Variants in ATP6V0B observed in about 807,000 individuals in gnomAD.
ATP6V0B encodes the protein ATPase H+ transporting V0 subunit b, also known as V-type proton ATPase 21 kDa proteolipid subunit c''.
Under a neutral mutation model 26.2 loss-of-function variants are expected in ATP6V0B, and 4 were observed. That is an observed-to-expected ratio of 0.15 (90% confidence interval 0.08 to 0.35). The LOEUF is 0.35. Among genes scored for constraint, ATP6V0B ranks in the 10% least tolerant of loss-of-function variants. The pLI, the probability that ATP6V0B is intolerant of heterozygous loss-of-function variation, is 1.00. For synonymous variants in ATP6V0B, 110 were observed against 105.8 expected, an observed-to-expected ratio of 1.04 and a Z score of -0.24; for missense variants, 175 against 272.5, an observed-to-expected ratio of 0.64 and a Z score of 2.52.
At position 43,976,431 on chromosome 1, in the gene ATP6V0B, CCTGT is replaced by C; in HGVS notation, c.278+53_278+56del. The C allele has an allele frequency of 1.9e-6, 3 of 1,564,028 alleles. No individual in the cohort carries two copies. Among genetic ancestry groups the C allele is most frequent in the Non-Finnish European group, 2.6e-6 (3 of 1,142,264 alleles). On this transcript the variant is annotated intron_variant, in intron 4 of 7. Transcript: ENST00000472174. This position sits in a 1 kb window ranked among gnomAD's most constrained non-coding sequence, Gnocchi z 4.6. ...GTCAGAACCAGCTGTGTTGGCGCTG[CCTGT>C]GTGTTTGATCTGACATACTGTTTCT...
chr1:43,977,241 CTG>C (rs757765729), intron 7 of ATP6V0B, 25 bp downstream of exon 7: 2 of 1,614,200 alleles, frequency 1.2e-6, no homozygotes, highest in East Asian at 2.2e-5. Flanking sequence ...TGGGAAGCCT[CTG>C]TGTCCTTGTC....
Position 43,978,179 on chromosome 1 carries a change from T to C in ATP6V0B, c.*172T>C. The C allele has an allele frequency of 2.2e-6, 2 of 922,930 alleles. No individual in the cohort carries two copies. Among genetic ancestry groups the C allele is most frequent in the South Asian group, 1.5e-5 (1 of 68,098 alleles). 57.2% of individuals were successfully genotyped at this position (922,930 alleles called of 1,614,324 possible). On this transcript the variant is annotated 3_prime_UTR_variant, in exon 8 of 8. Transcript: ENST00000472174. ...ACTGCAGTCCAGGCCGAGTCCTCAG[T>C]GCGGGGAGCAGGCTGCTGCTGCTGA...
chr1:43,976,805 C>A lies in ATP6V0B; in HGVS notation c.381C>A (p.Gly127=). 6.2e-7 allele frequency: 1 copy of A among 1,614,232 alleles called. No individual in the cohort carries two copies. The highest frequency in any genetic ancestry group is 1.1e-5 in the South Asian group (1 of 91,084). ...PFSATDPKAI[G]HRNYHAGYSM... is the part of the protein sequence containing the mutation. ...GTGCCACAGACCCCAAGGCCATCGG[C>A]CATCGGAACTACCATGCAGGTGGGT... Residue 127 remains glycine (G), a synonymous_variant, in exon 6 of 8, where the codon GGC becomes GGA. Coordinates refer to ENST00000472174, the MANE Select transcript of ATP6V0B (RefSeq NM_004047.5). The surrounding 1 kb of genome is among the most constrained non-coding windows in gnomAD (Gnocchi z 4.6).
Position 43,976,293 on chromosome 1 carries a change from T to G in ATP6V0B, c.201-9T>G, listed in dbSNP as rs1277942915. 1.2e-6 allele frequency: 2 copies of G among 1,613,582 alleles called. No individual in the cohort carries two copies. The highest frequency in any genetic ancestry group is 2.2e-5 in the East Asian group (1 of 44,868). ...GGCTCTGCTCATCAGTTTTTTATCC[T>G]TCCACCAGGGGCATCTATATTACCG... On this transcript the variant is annotated splice_polypyrimidine_tract_variant and intron_variant, in intron 3 of 7. Transcript: ENST00000472174. The surrounding 1 kb of genome is among the most constrained non-coding windows in gnomAD (Gnocchi z 4.6).
chr1:43,975,435 G>C, intron 1 of ATP6V0B: 1 of 546,494 alleles, frequency 1.8e-6, no homozygotes, highest in Non-Finnish European at 3.2e-6. Context: ...CGGCTGCTCC[G>C]GTTCCTCTTT....
Position 43,975,032 on chromosome 1 carries a change from G to GTCGCCGCCA in ATP6V0B, c.-7_2dup, listed in dbSNP as rs2085501286. Reference sequence around the variant, plus strand: ...CCCCGCCGTTCCGACCCCCGCCGCCGTCGCCGCCATGACGGGGCTAGCACT... The same window carrying GTCGCCGCCA: ...CCCCGCCGTTCCGACCCCCGCCGCCGTCGCCGCCATCGCCGCCATGACGGGGCTAGCACT... On this transcript the variant is annotated 5_prime_UTR_variant, in exon 1 of 8. Coordinates refer to ENST00000472174, the MANE Select transcript of ATP6V0B (RefSeq NM_004047.5). 2 of 1,265,706 alleles carry GTCGCCGCCA rather than the reference G, an allele frequency of 1.6e-6. No individual in the cohort carries two copies. Among genetic ancestry groups the GTCGCCGCCA allele is most frequent in the Non-Finnish European group, 2.0e-6 (2 of 1,001,624 alleles). 78.4% of individuals were successfully genotyped at this position (1,265,706 alleles called of 1,614,324 possible).
chr1:43,978,178 G>A lies in ATP6V0B; in HGVS notation c.*171G>A. 1 of 932,594 alleles carries A rather than the reference G, an allele frequency of 1.1e-6. No individual in the cohort carries two copies. The highest frequency in any genetic ancestry group is 1.7e-6 in the Non-Finnish European group (1 of 595,278). The allele number at this position is 932,594 out of a possible 1,614,324, so 57.8% of individuals were successfully genotyped here. On this transcript the variant is annotated 3_prime_UTR_variant, in exon 8 of 8. Transcript: ENST00000472174. ...CACTGCAGTCCAGGCCGAGTCCTCAGTGCGGGGAGCAGGCTGCTGCTGCTG... is the reference window on the plus strand; with the variant it reads ...CACTGCAGTCCAGGCCGAGTCCTCAATGCGGGGAGCAGGCTGCTGCTGCTG...
intron 7 of ATP6V0B, chr1:43,977,731 GTGC>G: frequency 6.9e-7 from 1 of 1,441,670 alleles, no homozygotes; most frequent in South Asian, 1.5e-5. Context: ...GTGACTGTGG[GTGC>G]TTGACTGAGT....
intron 7 of ATP6V0B, 43 bp downstream of exon 7, chr1:43,977,259 C>T (rs2085530644): frequency 1.2e-6 from 2 of 1,614,048 alleles, no homozygotes; most frequent in Non-Finnish European, 8.5e-7. Context: ...TTGTCCCCAA[C>T]CTAGCCTTAC....
intron 7 of ATP6V0B, 40 bp from the exon 8 acceptor site, chr1:43,977,941 C>T (rs754773557): frequency 1.4e-5 from 22 of 1,614,086 alleles, no homozygotes; most frequent in Non-Finnish European, 1.9e-5. Context: ...CTTACCTATT[C>T]CTCTGTCCCT....
chr1:43,975,727 C>T (rs2085512543), intron 1 of ATP6V0B, 73 bp from the exon 2 acceptor site: 1 of 1,558,758 alleles, frequency 6.4e-7, no homozygotes, highest in African/African-American at 1.4e-5. Context: ...TTCAGCTCGG[C>T]AGCTACTTTA....
In ATP6V0B at chr1:43,975,662, C is replaced by T. The variant is rs192762760; in HGVS notation, c.68-138C>T. The stretch of plus-strand genomic sequence containing the variant: ...GCCTAAGCAGAGGAATCTGTCTACA[C>T]AGCTGTACTGTCACCTGGGGGCAGC... On this transcript the variant is annotated intron_variant, in intron 1 of 7. Transcript: ENST00000472174. 2,896 of 919,006 alleles carry T rather than the reference C, an allele frequency of 3.2e-3. 107 individuals are homozygous for T. In the Admixed American group the frequency reaches 0.052, roughly 16 times the overall value. 56.9% of individuals were successfully genotyped at this position (919,006 alleles called of 1,614,324 possible).
rs369492376 is a variant in ATP6V0B at position 43,976,682 on chromosome 1, C to T, written c.348+23C>T. On this transcript the variant is annotated intron_variant, in intron 5 of 7. Coordinates refer to ENST00000472174, the MANE Select transcript of ATP6V0B (RefSeq NM_004047.5). The surrounding 1 kb of genome is among the most constrained non-coding windows in gnomAD (Gnocchi z 4.6). ...GAGGTATGGAAGGCCAGGGTGGTGG[C>T]GGGAATCCATTCCAGTGTGTTCTAC... 1.2e-4 allele frequency: 200 copies of T among 1,613,770 alleles called. No individual in the cohort carries two copies. The highest frequency in any genetic ancestry group is 1.7e-4 in the Non-Finnish European group (196 of 1,179,812).
rs1557647114 is a variant in ATP6V0B at position 43,977,154 on chromosome 1, C to A, written c.529C>A (p.Leu177Ile). 1.9e-6 allele frequency: 3 copies of A among 1,614,264 alleles called. No homozygotes were observed. The highest frequency in any genetic ancestry group is 2.5e-6 in the Non-Finnish European group (3 of 1,180,054). The change falls in exon 7 of 8, where the codon CTC (leucine) becomes ATC (isoleucine). Residue 177 changes from leucine (L) to isoleucine (I), a missense_variant. By Grantham distance (5) the Leu-to-Ile change is conservative. This residue lies in a region of ATP6V0B where 97 missense variants were observed against 158.0 expected (regional missense o/e 0.61). Coordinates refer to ENST00000472174, the MANE Select transcript of ATP6V0B (RefSeq NM_004047.5). ...AQNPSLFVKI[L>I]IVEIFGSAIG... ...GAACCCCAGCCTCTTTGTAAAGATT[C>A]TCATCGTGGAGATCTTTGGCAGCGC...
rs1034577904 is a variant in ATP6V0B, at chr1:43,978,097, G to A, written c.*90G>A. The A allele has an allele frequency of 2.5e-6, 4 of 1,588,206 alleles. No individual in the cohort carries two copies. Among genetic ancestry groups the A allele is most frequent in the African/African-American group, 2.7e-5 (2 of 74,242 alleles). ...AGCTGTGTCCCTTAGCCTTTCAGAG[G>A]CTTGGTGTTCAGGGCCCTCCCTGCA... is the stretch of plus-strand genomic sequence containing the variant. On this transcript the variant is annotated 3_prime_UTR_variant, in exon 8 of 8. Transcript: ENST00000472174.
At position 43,974,967 on chromosome 1, in the gene ATP6V0B, G is replaced by C. The variant is rs2085500044; in HGVS notation, c.-74G>C. 1.7e-6 allele frequency: 2 copies of C among 1,153,604 alleles called. No homozygotes were observed. Among genetic ancestry groups the C allele is most frequent in the Non-Finnish European group, 2.2e-6 (2 of 905,674 alleles). 71.5% of individuals were successfully genotyped at this position (1,153,604 alleles called of 1,614,324 possible). A position where few individuals can be genotyped will look rare whatever the true frequency, so the allele number is the denominator to read the frequency against. ...GCTGCGGGGCGGGCGGACAGACTGC[G>C]GGACGGACGGTGGACGCTGGGACGC... On this transcript the variant is annotated 5_prime_UTR_variant, in exon 1 of 8. Transcript: ENST00000472174.
At chr1:43,975,360 C>G (rs1368725579) in intron 1 of ATP6V0B, 2 of 576,254 alleles carry the variant, frequency 3.5e-6, no homozygotes, top group Admixed American at 3.3e-5. Flanking sequence ...GCTGTCTCCC[C>G]TCGCTCCCAC....
rs1226688949 is a variant in ATP6V0B at position 43,976,886 on chromosome 1, C to G, written c.400+62C>G. 6.2e-6 allele frequency: 10 copies of G among 1,606,638 alleles called. No homozygotes were observed. The highest frequency in any genetic ancestry group is 8.5e-6 in the Non-Finnish European group (10 of 1,173,680). ...CTTCATGCCTGCTTCCACTCTCCCC[C>G]ATCCCAGCTTGGGCCATCATTTTGA... On this transcript the variant is annotated intron_variant, in intron 6 of 7. Coordinates refer to ENST00000472174, the MANE Select transcript of ATP6V0B (RefSeq NM_004047.5). This position sits in a 1 kb window ranked among gnomAD's most constrained non-coding sequence, Gnocchi z 4.6.
rs2085516938 is a variant in ATP6V0B at position 43,976,138 on chromosome 1, C to A, written c.165C>A (p.Gly55=). 1 of 1,613,970 alleles carries A rather than the reference C, an allele frequency of 6.2e-7. No homozygotes were observed. The highest frequency in any genetic ancestry group is 8.5e-7 in the Non-Finnish European group (1 of 1,180,020). The change falls in exon 3 of 8, where the codon GGC becomes GGA. Residue 55 remains glycine, a synonymous_variant. Coordinates refer to ENST00000472174, the MANE Select transcript of ATP6V0B (RefSeq NM_004047.5). The surrounding 1 kb of genome is among the most constrained non-coding windows in gnomAD (Gnocchi z 4.6). ...SPFMWSNLGI[G]LAISLSVVGA... ...TCATGTGGTCCAACCTGGGCATTGG[C>A]CTAGCTATCTCCCTGTCTGTGGTTG... is the stretch of plus-strand genomic sequence containing the variant.
Sources: allele counts gnomAD v4.1 joint callset, GRCh38; gene constraint gnomAD v4.1.1; regional missense constraint gnomAD v4.1.1; non-coding constraint Gnocchi (gnomAD v3.1); transcripts MANE v1.5; gene names NCBI Gene and HGNC (gene_info 2026-07-23, HGNC 2026-07-21).